LRRTM4: variants seen among roughly 807,000 people sequenced by gnomAD.
LRRTM4 encodes the protein leucine rich repeat transmembrane neuronal 4.
Under a neutral mutation model 47.6 loss-of-function variants are expected in LRRTM4, and 25 were observed. That is an observed-to-expected ratio of 0.53 (90% confidence interval 0.38 to 0.73). LRRTM4 has a LOEUF of 0.73. Ranked by LOEUF, LRRTM4 falls within the 30% of genes least tolerant of loss-of-function variation. The pLI, the probability that LRRTM4 is intolerant of heterozygous loss-of-function variation, is 0.00. For synonymous variants in LRRTM4, 311 were observed against 269.5 expected, an observed-to-expected ratio of 1.15 and a Z score of -1.51; for missense variants, 638 against 713.4, an observed-to-expected ratio of 0.89 and a Z score of 1.20.
intron 3 of LRRTM4, among the ~76,000 whole-genome samples, chr2:77,115,726 G>T (rs902696355): frequency 1.4e-4 from 22 of 152,084 alleles, no homozygotes; most frequent in African/African-American, 5.3e-4. Context: ...TGACAATTAT[G>T]TGAGAAATTC....
chr2:77,008,633 A>G (rs946573158), intron 3 of LRRTM4, among the ~76,000 whole-genome samples: 2 of 152,118 alleles, frequency 1.3e-5, no homozygotes, highest in African/African-American at 4.8e-5. Context: ...ATACCAGACT[A>G]TACTCTTGTC....
chr2:77,312,069 C>A (rs1192871361), intron 3 of LRRTM4, among the ~76,000 whole-genome samples: 1 of 152,140 alleles, frequency 6.6e-6, no homozygotes, highest in African/African-American at 2.4e-5. Flanking sequence ...TCCACACCCC[C>A]ACCTTGGACC....
intron 3 of LRRTM4, among the ~76,000 whole-genome samples, chr2:77,074,691 A>C (rs1680275145): frequency 6.6e-6 from 1 of 152,178 alleles, no homozygotes; most frequent in African/African-American, 2.4e-5. Flanking sequence ...AAGGAGAACT[A>C]TTTAGAAATT....
intron 3 of LRRTM4, among the ~76,000 whole-genome samples, chr2:77,123,435 A>G (rs1215318203): frequency 6.6e-6 from 1 of 152,048 alleles, no homozygotes; most frequent in African/African-American, 2.4e-5. Context: ...CTAAATGACA[A>G]TGTTGCTATA....
At position 76,748,725 on chromosome 2, in the gene LRRTM4, C is replaced by T. The variant is rs754954750; in HGVS notation, c.1743G>A (p.Pro581=). 6.8e-6 allele frequency: 11 copies of T among 1,613,662 alleles called. No homozygotes were observed. Among genetic ancestry groups the T allele is most frequent in the Admixed American group, 3.3e-5 (2 of 60,012 alleles). The change falls in exon 4 of 4, where the codon CCG becomes CCA. Residue 581 remains proline, a synonymous_variant. Transcript: ENST00000409884. ...TTGCAATTCTCTCTAGGTAGATGGC[C>T]GGTGCTGCCGACCTGGCGATGGTGG... ...FIATIARSAA[P]AIYLERIAN
intron 3 of LRRTM4, among the ~76,000 whole-genome samples, chr2:77,224,578 A>G (rs1348795937): frequency 6.6e-6 from 1 of 152,246 alleles, no homozygotes; most frequent in African/African-American, 2.4e-5. Context: ...TCTCAAAAGA[A>G]GACATTTATG....
At chr2:76,812,713 T>C (rs958974658) in intron 3 of LRRTM4, among the ~76,000 whole-genome samples, 2 of 142,318 alleles carry the variant, frequency 1.4e-5, no homozygotes, top group African/African-American at 5.3e-5. Context: ...TCTTTATTTC[T>C]TTTTCTTTCT....
intron 3 of LRRTM4, among the ~76,000 whole-genome samples, chr2:77,274,912 T>TG (rs1339398675): frequency 9.9e-5 from 15 of 152,152 alleles, no homozygotes; most frequent in Non-Finnish European, 2.1e-4. Context: ...TCATTGTGAA[T>TG]GGGTTCCATC....
At chr2:77,018,033 C>G (rs1300736683) in intron 3 of LRRTM4, among the ~76,000 whole-genome samples, 1 of 151,700 alleles carries the variant, frequency 6.6e-6, no homozygotes. Context: ...ATGTTTAGAT[C>G]AATATATACT....
intron 3 of LRRTM4, among the ~76,000 whole-genome samples, chr2:76,931,126 A>C (rs1264881890): frequency 1.3e-5 from 2 of 152,184 alleles, no homozygotes; most frequent in Non-Finnish European, 2.9e-5. Flanking sequence ...TGAGAAAGAA[A>C]GAAAGAAAAA....
At chr2:77,087,485 A>T (rs1680756469) in intron 3 of LRRTM4, among the ~76,000 whole-genome samples, 1 of 152,246 alleles carries the variant, frequency 6.6e-6, no homozygotes, top group African/African-American at 2.4e-5. Context: ...AACCCAGAAC[A>T]CCTGGCTGAA....
intron 3 of LRRTM4, among the ~76,000 whole-genome samples, chr2:77,275,002 T>C (rs546358616): frequency 6.6e-6 from 1 of 152,044 alleles, no homozygotes; most frequent in African/African-American, 2.4e-5. Flanking sequence ...TGCAAAACAC[T>C]AGAATCCTGA....
chr2:77,158,125 A>G (rs977162149), intron 3 of LRRTM4, among the ~76,000 whole-genome samples: 5 of 152,084 alleles, frequency 3.3e-5, no homozygotes, highest in Non-Finnish European at 5.9e-5. Context: ...AGAGGGAGGG[A>G]GGAGGTATGG....
At chr2:77,426,508 C>T (rs1675110378) in intron 3 of LRRTM4, among the ~76,000 whole-genome samples, 4 of 152,136 alleles carry the variant, frequency 2.6e-5, no homozygotes, top group African/African-American at 9.7e-5. Context: ...GCTACATCCC[C>T]ACCCAAACCT....
At chr2:77,170,997 A>G (rs1447514560) in intron 3 of LRRTM4, among the ~76,000 whole-genome samples, 1 of 150,944 alleles carries the variant, frequency 6.6e-6, no homozygotes, top group African/African-American at 2.4e-5. Context: ...TTAGCTTTAT[A>G]TATGTATATA....
intron 3 of LRRTM4, among the ~76,000 whole-genome samples, chr2:77,461,877 T>A (rs1471269400): frequency 6.6e-6 from 1 of 152,158 alleles, no homozygotes; most frequent in East Asian, 1.9e-4. Flanking sequence ...CTCCTATTTT[T>A]GGCTTTGTCT....
At chr2:76,984,541 T>C (rs1458163012) in intron 3 of LRRTM4, among the ~76,000 whole-genome samples, 1 of 151,976 alleles carries the variant, frequency 6.6e-6, no homozygotes, top group African/African-American at 2.4e-5. Flanking sequence ...GGATGACACA[T>C]ACTCAGCTAG....
At chr2:77,340,008 G>A (rs538204834) in intron 3 of LRRTM4, among the ~76,000 whole-genome samples, 3 of 151,994 alleles carry the variant, frequency 2.0e-5, no homozygotes, top group Non-Finnish European at 2.9e-5. Context: ...ACATGAAACC[G>A]AAGGAATGCT....
At chr2:77,497,572 C>T (rs1166319562) in intron 3 of LRRTM4, among the ~76,000 whole-genome samples, 4 of 151,398 alleles carry the variant, frequency 2.6e-5, no homozygotes, top group African/African-American at 9.7e-5. Flanking sequence ...ATTAAGTCTA[C>T]ATCTACATCT....
Sources: gnomAD v4.1 joint callset for allele counts (sites outside exome capture counted in the v4.1 genomes callset) on GRCh38, gnomAD v4.1.1 for gene constraint, MANE v1.5 for transcripts, NCBI Gene and HGNC (gene_info 2026-07-23, HGNC 2026-07-21) for gene names.